RASSF9: variants seen among roughly 807,000 people sequenced by gnomAD.
The protein encoded by RASSF9 is ras association domain-containing protein 9.
RASSF9 carries 18 observed loss-of-function variants against 21.4 expected under a neutral mutation model. That is an observed-to-expected ratio of 0.84 (90% CI 0.58 to 1.25). RASSF9 has a LOEUF of 1.25. RASSF9 is among the 50% of genes most tolerant of loss of function. The probability of loss-of-function intolerance (pLI) is 0.00; values close to 1 mark genes in which losing one functional copy is unlikely to be tolerated. For missense variants in RASSF9, 480 were observed against 503.2 expected (o/e 0.95, Z 0.44); for synonymous variants, 183 against 179.1 (o/e 1.02, Z -0.18).
intron 1 of RASSF9, among the ~76,000 whole-genome samples, chr12:85,819,644 C>T (rs2136557799): frequency 6.6e-6 from 1 of 152,258 alleles, no homozygotes; most frequent in South Asian, 2.1e-4. Flanking sequence ...CTTCAATTTT[C>T]TCATCTACAT....
chr12:85,803,161 A>C lies in RASSF9; in HGVS notation c.*1541T>G, dbSNP rs2136547291. On this transcript the variant is annotated 3_prime_UTR_variant, in exon 2 of 2. Coordinates refer to ENST00000361228, the MANE Select transcript of RASSF9 (RefSeq NM_005447.4). Reference sequence around the variant, plus strand: ...TATTTTTTTAAATGAGTTAACAATAAAGTTGCTTTAAAAAATTAAATACTT... The same window carrying C: ...TATTTTTTTAAATGAGTTAACAATACAGTTGCTTTAAAAAATTAAATACTT... The C allele has an allele frequency of 6.6e-6, 1 of 152,276 alleles. No individual in the cohort carries two copies. The highest frequency in any genetic ancestry group is 1.5e-5 in the Non-Finnish European group (1 of 67,988). The allele number at this position is 152,276 out of a possible 1,614,324, so 9.4% of individuals were successfully genotyped here.
Position 85,814,074 on chromosome 12 carries a change from G to A in RASSF9, c.48-8112C>T, listed in dbSNP as rs188438954. On this transcript the variant is annotated intron_variant, in intron 1 of 1. Coordinates refer to ENST00000361228, the MANE Select transcript of RASSF9 (RefSeq NM_005447.4). ...ACCTTTTCAGTTTCAAGCTATTGGTGGCACCTATGCCTAGAGATTGTGATG... is the reference window on the plus strand; with the variant it reads ...ACCTTTTCAGTTTCAAGCTATTGGTAGCACCTATGCCTAGAGATTGTGATG... Among the ~76,000 whole-genome samples, 150 of 152,092 alleles carry A rather than the reference G, an allele frequency of 9.9e-4. 2 individuals carry two copies. The highest frequency in any genetic ancestry group is 3.3e-3 in the African/African-American group (135 of 41,534).
chr12:85,825,630 AG>A, intron 1 of RASSF9, among the ~76,000 whole-genome samples: 1 of 152,216 alleles, frequency 6.6e-6, no homozygotes, highest in Non-Finnish European at 1.5e-5. Flanking sequence ...TTACACAAAA[AG>A]TTTGACAACT....
At chr12:85,833,932 G>A (rs1319003035) in intron 1 of RASSF9, among the ~76,000 whole-genome samples, 1 of 151,928 alleles carries the variant, frequency 6.6e-6, no homozygotes, top group Non-Finnish European at 1.5e-5. Flanking sequence ...TTTTGTTTCT[G>A]TGCTTTAGAA....
At position 85,804,601 on chromosome 12, in the gene RASSF9, T is replaced by A; in HGVS notation, c.*101A>T. On this transcript the variant is annotated 3_prime_UTR_variant, in exon 2 of 2. Transcript: ENST00000361228. Reference sequence around the variant, plus strand: ...TTTTATTAACTATTGAATACTACAATATGATTTACATTTTTTTGAGTGTTA... The same window carrying A: ...TTTTATTAACTATTGAATACTACAAAATGATTTACATTTTTTTGAGTGTTA... 1 of 1,217,852 alleles carries A rather than the reference T, an allele frequency of 8.2e-7. No individual in the cohort carries two copies. Among genetic ancestry groups the A allele is most frequent in the South Asian group, 1.8e-5 (1 of 55,806 alleles). 75.4% of individuals were successfully genotyped at this position (1,217,852 alleles called of 1,614,324 possible).
intron 1 of RASSF9, among the ~76,000 whole-genome samples, chr12:85,829,771 A>G (rs970415492): frequency 3.3e-5 from 5 of 152,116 alleles, no homozygotes; most frequent in African/African-American, 9.7e-5. Context: ...ACATTTATTG[A>G]GCACCTACTC....
At chr12:85,821,696 C>T (rs75578036) in intron 1 of RASSF9, among the ~76,000 whole-genome samples, 4,045 of 151,972 alleles carry the variant, frequency 0.027, 207 homozygotes, top group African/African-American at 0.092. Flanking sequence ...TTTATTAGTT[C>T]TGTGCTCTAC....
chr12:85,831,169 A>G (rs893743648), intron 1 of RASSF9, among the ~76,000 whole-genome samples: 1 of 152,020 alleles, frequency 6.6e-6, no homozygotes, highest in African/African-American at 2.4e-5. Flanking sequence ...CATTTTCAGA[A>G]CTACTATCAA....
At chr12:85,815,626 T>C (rs1200645538) in intron 1 of RASSF9, among the ~76,000 whole-genome samples, 1 of 152,138 alleles carries the variant, frequency 6.6e-6, no homozygotes, top group Non-Finnish European at 1.5e-5. Context: ...TTTTTAATAA[T>C]AGCCATTCTG....
chr12:85,812,998 G>GT (rs536684267), intron 1 of RASSF9, among the ~76,000 whole-genome samples: 4 of 151,754 alleles, frequency 2.6e-5, no homozygotes, highest in Non-Finnish European at 5.9e-5. Context: ...GCCCAAGAAT[G>GT]TTTTTAATCT....
chr12:85,822,352 A>G (rs1880229549), intron 1 of RASSF9, among the ~76,000 whole-genome samples: 1 of 152,190 alleles, frequency 6.6e-6, no homozygotes, highest in Non-Finnish European at 1.5e-5. Flanking sequence ...AGCTGAAAAC[A>G]TGAGGTGAGC....
intron 1 of RASSF9, among the ~76,000 whole-genome samples, chr12:85,806,768 C>G (rs1323385850): frequency 6.7e-6 from 1 of 149,830 alleles, no homozygotes; most frequent in Non-Finnish European, 1.5e-5. Context: ...TTTTTATTTC[C>G]TAGTGTGCTC....
At chr12:85,819,210 A>ATT (rs11320045) in intron 1 of RASSF9, among the ~76,000 whole-genome samples, 12 of 147,350 alleles carry the variant, frequency 8.1e-5, no homozygotes, top group African/African-American at 3.0e-4. Context: ...TGCTTTAAGC[A>ATT]TTTTTTTTTT....
At position 85,801,330 on chromosome 12, in the gene RASSF9, T is replaced by C. The variant is rs1386747785; in HGVS notation, c.*3372A>G. ...GGTCAATTACTGTTAATGTTTTAAG[T>C]CTGCTAAAATACGTATTCATTCATG... On this transcript the variant is annotated 3_prime_UTR_variant, in exon 2 of 2. Coordinates refer to ENST00000361228, the MANE Select transcript of RASSF9 (RefSeq NM_005447.4). 6.6e-6 allele frequency: 1 copy of C among 152,174 alleles called. No homozygotes were observed. Among genetic ancestry groups the C allele is most frequent in the African/African-American group, 2.4e-5 (1 of 41,448 alleles). The allele number at this position is 152,174 out of a possible 1,614,324, so 9.4% of individuals were successfully genotyped here.
rs145760182 is a variant in RASSF9 at position 85,822,816 on chromosome 12, C to G, written c.47+13339G>C. 6.1e-3 allele frequency among the ~76,000 whole-genome samples: 931 copies of G among 152,256 alleles called. 4 individuals carry two copies. The highest frequency in any genetic ancestry group is 0.021 in the African/African-American group (888 of 41,548). ...AACCTTCGCTTGACCACATATTCCC[C>G]TCCACTATCTTTCCTTCACACACCA... On this transcript the variant is annotated intron_variant, in intron 1 of 1. Coordinates refer to ENST00000361228, the MANE Select transcript of RASSF9 (RefSeq NM_005447.4).
chr12:85,805,523 T>A lies in RASSF9; in HGVS notation c.487A>T (p.Lys163Ter). 1 of 1,613,994 alleles carries A rather than the reference T, an allele frequency of 6.2e-7. No individual in the cohort carries two copies. The highest frequency in any genetic ancestry group is 8.5e-7 in the Non-Finnish European group (1 of 1,179,896). Residue 163 changes from lysine to a stop codon, truncating the protein, a stop_gained, in exon 2 of 2, where the codon AAA becomes TAA. Transcript: ENST00000361228. LOFTEE classifies it high-confidence loss of function. ...ATTTTAGCCAGTTTCCGGAAAGTTT[T>A]CCTGACTATTCTTTTTTGTTTATCT... ...PPDKQKRIVR[K>*]TFRKLAKIKQ... is the part of the protein sequence containing the mutation.
At chr12:85,816,030 C>T (rs1404399307) in intron 1 of RASSF9, among the ~76,000 whole-genome samples, 1 of 151,860 alleles carries the variant, frequency 6.6e-6, no homozygotes, top group Non-Finnish European at 1.5e-5. Flanking sequence ...AAATGGAGTC[C>T]ATTATCCTGG....
chr12:85,831,687 G>A (rs1368983963), intron 1 of RASSF9, among the ~76,000 whole-genome samples: 2 of 151,836 alleles, frequency 1.3e-5, no homozygotes, highest in Non-Finnish European at 2.9e-5. Flanking sequence ...TTTAAATCTT[G>A]ATTGGAAGGA....
At chr12:85,825,606 A>G (rs1418985620) in intron 1 of RASSF9, among the ~76,000 whole-genome samples, 1 of 152,124 alleles carries the variant, frequency 6.6e-6, no homozygotes, top group East Asian at 1.9e-4. Context: ...AATATAAAAT[A>G]TTTATTATGT....
Sources: gnomAD v4.1 joint callset for allele counts (sites outside exome capture counted in the v4.1 genomes callset) on GRCh38, gnomAD v4.1.1 for gene constraint, MANE v1.5 for transcripts, NCBI Gene and HGNC (gene_info 2026-07-23, HGNC 2026-07-21) for gene names.